DCC: variants seen among roughly 807,000 people sequenced by gnomAD.
DCC encodes netrin receptor DCC.
DCC carries 58 observed loss-of-function variants against 172.5 expected under a neutral mutation model. The observed-to-expected ratio is 0.34, with a 90% CI of 0.27 to 0.42. The LOEUF (loss-of-function observed/expected upper bound fraction) is 0.42. Ranked by LOEUF, DCC falls within the 10% of genes least tolerant of loss-of-function variation. The pLI is 1.00. For missense variants in DCC, 1,740 were observed against 1,791.0 expected (o/e 0.97, Z 0.51); for synonymous variants, 709 against 644.5 (o/e 1.10, Z -1.52).
intron 25 of DCC, chr18:53,480,789 G>C (rs189392343): frequency 6.6e-6 from 1 of 152,122 alleles, no homozygotes; most frequent in Admixed American, 6.6e-5. Context: ...GCTCTTCAAC[G>C]TGTAGCTATT....
chr18:52,938,861 C>T (rs1340149750), intron 5 of DCC, among the ~76,000 whole-genome samples: 4 of 151,958 alleles, frequency 2.6e-5, no homozygotes, highest in African/African-American at 4.8e-5. Flanking sequence ...CTTCCCCCAC[C>T]TTATCTCTTC....
At chr18:53,354,171 A>G (rs1052256476) in intron 15 of DCC, among the ~76,000 whole-genome samples, 25 of 152,196 alleles carry the variant, frequency 1.6e-4, no homozygotes, top group Admixed American at 1.6e-3. Context: ...ATTGATGGAC[A>G]TTTGGGTTGG....
chr18:53,352,556 A>G (rs1294687652), intron 15 of DCC, among the ~76,000 whole-genome samples: 1 of 152,262 alleles, frequency 6.6e-6, no homozygotes, highest in South Asian at 2.1e-4. Flanking sequence ...AGCATTATAC[A>G]TATCATGCTA....
At chr18:53,047,369 A>C (rs1444344512) in intron 5 of DCC, among the ~76,000 whole-genome samples, 15 of 121,790 alleles carry the variant, frequency 1.2e-4, no homozygotes, top group African/African-American at 4.3e-4. Flanking sequence ...TACATAAAAT[A>C]ATATATACTT....
chr18:52,997,499 A>T (rs558053045), intron 5 of DCC, among the ~76,000 whole-genome samples: 2 of 152,230 alleles, frequency 1.3e-5, no homozygotes, highest in African/African-American at 2.4e-5. Context: ...CCAAAATATG[A>T]TAGGACAGAC....
intron 1 of DCC, among the ~76,000 whole-genome samples, chr18:52,565,398 T>A (rs1455873932): frequency 6.6e-6 from 1 of 152,158 alleles, no homozygotes. Context: ...TTGTTCTAGA[T>A]CCTTGAGGAA....
At chr18:52,452,525 C>T (rs1988337075) in intron 1 of DCC, among the ~76,000 whole-genome samples, 1 of 152,330 alleles carries the variant, frequency 6.6e-6, no homozygotes, top group South Asian at 2.1e-4. Flanking sequence ...ATTCCCTACT[C>T]AGACTTAGCA....
At chr18:52,926,268 A>G (rs1342488633) in intron 5 of DCC, among the ~76,000 whole-genome samples, 1 of 151,860 alleles carries the variant, frequency 6.6e-6, no homozygotes, top group Non-Finnish European at 1.5e-5. Context: ...TATTCCATCC[A>G]TTTTGCTTTT....
intron 7 of DCC, among the ~76,000 whole-genome samples, chr18:53,067,119 G>T (rs1463424876): frequency 6.6e-6 from 1 of 152,126 alleles, no homozygotes; most frequent in African/African-American, 2.4e-5. Context: ...CACAGATTCA[G>T]ACCATATCAA....
At chr18:53,130,367 T>A (rs2144317005) in intron 7 of DCC, among the ~76,000 whole-genome samples, 1 of 152,250 alleles carries the variant, frequency 6.6e-6, no homozygotes, top group South Asian at 2.1e-4. Context: ...TCTATAAATG[T>A]GGTTCCCAGG....
intron 21 of DCC, among the ~76,000 whole-genome samples, chr18:53,425,260 C>A (rs1910846596): frequency 6.6e-6 from 1 of 151,504 alleles, no homozygotes; most frequent in Admixed American, 6.6e-5. Context: ...GAGCCACCAT[C>A]TCAAGTCATA....
intron 5 of DCC, among the ~76,000 whole-genome samples, chr18:53,049,051 ATT>A (rs902292347): frequency 2.0e-5 from 3 of 151,762 alleles, no homozygotes; most frequent in African/African-American, 7.3e-5. Context: ...TTTTTTGTAA[ATT>A]TAAGTTCATT....
chr18:53,194,975 A>G (rs1413681400), intron 9 of DCC, among the ~76,000 whole-genome samples: 4 of 152,160 alleles, frequency 2.6e-5, no homozygotes, highest in African/African-American at 9.7e-5. Flanking sequence ...CAGGGTCTTG[A>G]TTTCAGGTAA....
At chr18:52,481,449 T>TA (rs1305116880) in intron 1 of DCC, among the ~76,000 whole-genome samples, 1 of 152,170 alleles carries the variant, frequency 6.6e-6, no homozygotes, top group Non-Finnish European at 1.5e-5. Flanking sequence ...ACATTCCCTC[T>TA]ATTGCTGTAC....
intron 1 of DCC, among the ~76,000 whole-genome samples, chr18:52,448,638 A>G (rs1988203799): frequency 1.3e-5 from 2 of 152,204 alleles, no homozygotes; most frequent in Admixed American, 1.3e-4. Flanking sequence ...ATGGAAAAAC[A>G]CATTTTATTA....
chr18:52,361,534 T>C (rs1277262765), intron 1 of DCC, among the ~76,000 whole-genome samples: 1 of 152,228 alleles, frequency 6.6e-6, no homozygotes, highest in African/African-American at 2.4e-5. Flanking sequence ...GTGCTAGGCA[T>C]GCCTGTCTTC....
Position 53,240,066 on chromosome 18 carries a change from T to TC in DCC, c.1911+24473dup, listed in dbSNP as rs1294043085. On this transcript the variant is annotated intron_variant, in intron 12 of 28. Transcript: ENST00000442544. ...AAAAAAAAAACAACAAAACACTTTT[T>TC]CCCCAATGTGTAATATGCAATCAAA... is the stretch of plus-strand genomic sequence containing the variant. Among the ~76,000 whole-genome samples, 3 of 150,748 alleles carry TC rather than the reference T, an allele frequency of 2.0e-5. No individual in the cohort carries two copies. The Middle Eastern group carries it at 0.01, about 516-fold the overall frequency.
At chr18:53,408,931 A>G (rs950516350) in intron 19 of DCC, among the ~76,000 whole-genome samples, 19 of 152,204 alleles carry the variant, frequency 1.2e-4, no homozygotes, top group African/African-American at 4.6e-4. Context: ...CCAGTGACGC[A>G]TCCCCCAAGC....
chr18:53,431,347 C>T (rs1414970608), intron 21 of DCC, among the ~76,000 whole-genome samples: 1 of 151,070 alleles, frequency 6.6e-6, no homozygotes, highest in East Asian at 1.9e-4. Context: ...ATTAATTACT[C>T]TTTAATATCT....
Sources: gnomAD v4.1 joint callset for allele counts (sites outside exome capture counted in the v4.1 genomes callset) on GRCh38, gnomAD v4.1.1 for gene constraint, MANE v1.5 for transcripts, NCBI Gene and HGNC (gene_info 2026-07-23, HGNC 2026-07-21) for gene names.